Variants in SPON1 observed in about 807,000 individuals in gnomAD.
SPON1 encodes spondin 1, also known as spondin-1.
In SPON1, 52 loss-of-function variants were observed where a neutral mutation model predicts 111.7. The observed-to-expected ratio is 0.47, with a 90% CI of 0.37 to 0.59. The LOEUF is 0.59. SPON1 is among the 20% of genes least tolerant of loss of function. SPON1 has a pLI of 0.00. For synonymous variants in SPON1, 410 were observed against 395.8 expected, an observed-to-expected ratio of 1.04 and a Z score of -0.43; for missense variants, 957 against 1,068.5, an observed-to-expected ratio of 0.90 and a Z score of 1.46.
intron 5 of SPON1, among the ~76,000 whole-genome samples, chr11:14,133,259 T>A (rs1182994988): frequency 6.6e-6 from 1 of 152,234 alleles, no homozygotes; most frequent in African/African-American, 2.4e-5. Flanking sequence ...ATTGTTTGGA[T>A]GAAATGCTTC....
At chr11:14,037,086 TTAAG>T (rs1385772797) in intron 2 of SPON1, among the ~76,000 whole-genome samples, 2 of 151,926 alleles carry the variant, frequency 1.3e-5, no homozygotes, top group Non-Finnish European at 1.5e-5. Flanking sequence ...GGATGAAGAG[TTAAG>T]TAAGGTCTCA....
intron 5 of SPON1, among the ~76,000 whole-genome samples, chr11:14,116,737 A>T (rs1204940700): frequency 6.6e-6 from 1 of 151,884 alleles, no homozygotes; most frequent in Non-Finnish European, 1.5e-5. Flanking sequence ...TAGAATCATG[A>T]TCGATTTATA....
chr11:14,162,519 A>C (rs563855051), intron 6 of SPON1, among the ~76,000 whole-genome samples: 1 of 152,368 alleles, frequency 6.6e-6, no homozygotes, highest in South Asian at 2.1e-4. Flanking sequence ...ATCTGTACTT[A>C]AAGATACTTG....
chr11:14,234,662 G>A (rs1554939052), intron 6 of SPON1, among the ~76,000 whole-genome samples: 1 of 152,204 alleles, frequency 6.6e-6, no homozygotes, highest in African/African-American at 2.4e-5. Context: ...GGGCGGAGGG[G>A]CAGTGGGGCA....
chr11:14,231,196 T>C (rs1554938687), intron 6 of SPON1, among the ~76,000 whole-genome samples: 2 of 151,492 alleles, frequency 1.3e-5, no homozygotes. Flanking sequence ...AGCAGTGGCA[T>C]GATCACAGCT....
At chr11:14,059,714 G>A (rs1848775779) in intron 3 of SPON1, among the ~76,000 whole-genome samples, 1 of 152,136 alleles carries the variant, frequency 6.6e-6, no homozygotes, top group Admixed American at 6.5e-5. Flanking sequence ...GGAAGAGTGT[G>A]GGAGGGAGGG....
intron 2 of SPON1, among the ~76,000 whole-genome samples, chr11:14,008,019 A>T (rs1848376369): frequency 6.6e-6 from 1 of 152,236 alleles, no homozygotes. Context: ...CTTTTGCCAT[A>T]TAAGGTACTA....
chr11:14,160,419 ATATATATATATT>A (rs1331647564), intron 6 of SPON1, among the ~76,000 whole-genome samples: 2,322 of 41,708 alleles, frequency 0.056, 435 homozygotes, highest in African/African-American at 0.073. Context: ...ATATATATTT[ATATATATATATT>A]TATATATATA....
chr11:14,111,498 G>A (rs1399136986), intron 5 of SPON1, among the ~76,000 whole-genome samples: 2 of 152,174 alleles, frequency 1.3e-5, no homozygotes, highest in African/African-American at 2.4e-5. Flanking sequence ...AACGATCATA[G>A]AAGGGAGGAA....
chr11:13,989,120 A>G (rs1168951133), intron 2 of SPON1, among the ~76,000 whole-genome samples: 5 of 152,216 alleles, frequency 3.3e-5, no homozygotes, highest in African/African-American at 1.2e-4. Context: ...TTCAGAAGGA[A>G]TGGTACCAGC....
chr11:13,963,010 A>G lies in SPON1; in HGVS notation c.106A>G (p.Lys36Glu). The G allele has an allele frequency of 6.3e-7, 1 of 1,593,694 alleles. No homozygotes were observed. The highest frequency in any genetic ancestry group is 8.5e-7 in the Non-Finnish European group (1 of 1,171,256). ...ALAFSDETLD[K>E]VPKSEGYCSR... ...GGCCTTCTCCGACGAGACCCTGGAC[A>G]AAGTGCCCAAGTCAGAGGGCTACTG... Residue 36 changes from lysine to glutamate, a missense_variant, in exon 1 of 16, where the codon AAA becomes GAA. This residue lies in a region of SPON1 where 262 missense variants were observed against 253.9 expected (regional missense o/e 1.03). Transcript: ENST00000576479.
chr11:14,132,766 A>C (rs1847542376), intron 5 of SPON1, among the ~76,000 whole-genome samples: 1 of 152,174 alleles, frequency 6.6e-6, no homozygotes. Flanking sequence ...CTTATCTCTT[A>C]TACTGAATTA....
chr11:14,025,865 G>A (rs73422145), intron 2 of SPON1, among the ~76,000 whole-genome samples: 6 of 152,198 alleles, frequency 3.9e-5, no homozygotes, highest in Admixed American at 1.3e-4. Context: ...ACCATAGTCC[G>A]TGGTCAGAGA....
At position 14,066,290 on chromosome 11, in the gene SPON1, C is replaced by T. The variant is rs186529101; in HGVS notation, c.480-9055C>T. The stretch of plus-strand genomic sequence containing the variant: ...GATGTATGTGAGATACTGCCTTCAC[C>T]CCAGGCTCAGGGATTAGACAAATAT... On this transcript the variant is annotated intron_variant, in intron 3 of 15. Coordinates refer to ENST00000576479, the MANE Select transcript of SPON1 (RefSeq NM_006108.4). 6.6e-5 allele frequency among the ~76,000 whole-genome samples: 10 copies of T among 152,140 alleles called. No individual in the cohort carries two copies. In the East Asian group the frequency reaches 1.9e-3, roughly 29 times the overall value.
At chr11:14,161,811 A>G (rs144169554) in intron 6 of SPON1, among the ~76,000 whole-genome samples, 4 of 152,296 alleles carry the variant, frequency 2.6e-5, no homozygotes, top group South Asian at 2.1e-4. Flanking sequence ...GTCAAAAATT[A>G]TAAGTTGAAC....
At chr11:14,003,402 G>T (rs1403422126) in intron 2 of SPON1, among the ~76,000 whole-genome samples, 1 of 152,220 alleles carries the variant, frequency 6.6e-6, no homozygotes, top group Non-Finnish European at 1.5e-5. Flanking sequence ...GCAGTGAGGG[G>T]TCCAGGGTAT....
chr11:14,207,976 G>C (rs1848533210), intron 6 of SPON1, among the ~76,000 whole-genome samples: 1 of 152,214 alleles, frequency 6.6e-6, no homozygotes, highest in South Asian at 2.1e-4. Flanking sequence ...GTGGTAGACT[G>C]GATAAGGAAA....
chr11:14,264,626 A>T (rs1042842236), intron 15 of SPON1, among the ~76,000 whole-genome samples: 12 of 152,222 alleles, frequency 7.9e-5, no homozygotes, highest in African/African-American at 1.9e-4. Context: ...CAGTCAACAA[A>T]CATTCATTAA....
At position 14,259,174 on chromosome 11, in the gene SPON1, C is replaced by A; in HGVS notation, c.1493-106C>A. On this transcript the variant is annotated intron_variant, in intron 11 of 15. Transcript: ENST00000576479. This position sits in a 1 kb window ranked among gnomAD's most constrained non-coding sequence, Gnocchi z 5.0. ...CTCTTAGGTGTGCAGACAACCTCAA[C>A]TGCCTGACTCCTCTTGATTCCCGCT... 1 of 1,295,192 alleles carries A rather than the reference C, an allele frequency of 7.7e-7. No individual in the cohort carries two copies. Among genetic ancestry groups the A allele is most frequent in the Non-Finnish European group, 1.0e-6 (1 of 959,920 alleles). 80.2% of individuals were successfully genotyped at this position (1,295,192 alleles called of 1,614,324 possible). A position where few individuals can be genotyped will look rare whatever the true frequency, so the allele number is the denominator to read the frequency against.
Sources: gnomAD v4.1 joint callset for allele counts (sites outside exome capture counted in the v4.1 genomes callset) on GRCh38, gnomAD v4.1.1 for gene constraint, gnomAD v4.1.1 regional missense constraint, Gnocchi (gnomAD v3.1) non-coding constraint, MANE v1.5 for transcripts, NCBI Gene and HGNC (gene_info 2026-07-23, HGNC 2026-07-21) for gene names.